Variants in HECW2 observed in about 807,000 individuals in gnomAD.
HECW2 encodes the protein HECT, C2 and WW domain containing E3 ubiquitin protein ligase 2.
Under a neutral mutation model 175.2 loss-of-function variants are expected in HECW2, and 61 were observed. That is an observed-to-expected ratio of 0.35 (90% CI 0.28 to 0.43). HECW2 has a LOEUF of 0.43. Among genes scored for constraint, HECW2 ranks in the 20% least tolerant of loss-of-function variants. The pLI is 1.00. For missense variants in HECW2, 1,524 were observed against 2,000.5 expected, an observed-to-expected ratio of 0.76 and a Z score of 4.54; for synonymous variants, 671 against 731.0, an observed-to-expected ratio of 0.92 and a Z score of 1.32.
intron 2 of HECW2, among the ~76,000 whole-genome samples, chr2:196,395,320 C>T (rs941672137): frequency 6.6e-6 from 1 of 151,862 alleles, no homozygotes; most frequent in Non-Finnish European, 1.5e-5. Flanking sequence ...TTGAATATGA[C>T]ACCAAAAACA....
chr2:196,208,819 C>A (rs1012287787), intron 28 of HECW2, among the ~76,000 whole-genome samples: 2 of 152,072 alleles, frequency 1.3e-5, no homozygotes, highest in African/African-American at 4.8e-5. Flanking sequence ...AGGAGGCAGA[C>A]CAGGGCCCCA....
chr2:196,434,671 A>C (rs1695818496), intron 1 of HECW2, among the ~76,000 whole-genome samples: 1 of 152,214 alleles, frequency 6.6e-6, no homozygotes, highest in Non-Finnish European at 1.5e-5. Flanking sequence ...TCAGAACTAC[A>C]TAATCCACTC....
At chr2:196,374,246 G>A (rs72925487) in intron 2 of HECW2, among the ~76,000 whole-genome samples, 7,856 of 152,066 alleles carry the variant, frequency 0.052, 290 homozygotes, top group Non-Finnish European at 0.059. Flanking sequence ...CATGGAAAAC[G>A]TTCATGAGAT....
chr2:196,478,078 AAAACAAAAAC>A (rs1164727148), intron 1 of HECW2, among the ~76,000 whole-genome samples: 2 of 152,224 alleles, frequency 1.3e-5, no homozygotes, highest in Non-Finnish European at 2.9e-5. Flanking sequence ...TCCAAAAAAC[AAAACAAAAAC>A]AAACAAAAAA....
intron 19 of HECW2, among the ~76,000 whole-genome samples, chr2:196,251,036 C>T (rs1355691185): frequency 1.3e-5 from 2 of 152,100 alleles, no homozygotes; most frequent in Non-Finnish European, 2.9e-5. Context: ...TCTCATCCTT[C>T]TTGATGCCCT....
At chr2:196,517,891 G>A (rs983471787) in intron 1 of HECW2, among the ~76,000 whole-genome samples, 5 of 152,158 alleles carry the variant, frequency 3.3e-5, no homozygotes, top group African/African-American at 1.2e-4. Flanking sequence ...AAAAAGGCTT[G>A]GGGTTCATAA....
intron 1 of HECW2, among the ~76,000 whole-genome samples, chr2:196,473,806 G>A (rs893431915): frequency 1.3e-5 from 2 of 152,162 alleles, no homozygotes; most frequent in Non-Finnish European, 2.9e-5. Flanking sequence ...ACACAATCTA[G>A]GAAACTGAAT....
At chr2:196,388,733 TGGAAACCTAGAAAA>T (rs1193306431) in intron 2 of HECW2, among the ~76,000 whole-genome samples, 1 of 152,212 alleles carries the variant, frequency 6.6e-6, no homozygotes. Flanking sequence ...TCTATAAGAA[TGGAAACCTAGAAAA>T]ACAAGATAAG....
intron 2 of HECW2, among the ~76,000 whole-genome samples, chr2:196,406,295 A>G (rs1231148954): frequency 1.3e-5 from 2 of 152,198 alleles, no homozygotes; most frequent in Non-Finnish European, 2.9e-5. Flanking sequence ...TTCCTTCAGT[A>G]AATTGTCCTA....
At chr2:196,513,568 A>G (rs1688035719) in intron 1 of HECW2, among the ~76,000 whole-genome samples, 1 of 152,214 alleles carries the variant, frequency 6.6e-6, no homozygotes, top group Non-Finnish European at 1.5e-5. Flanking sequence ...CTCAACCCCT[A>G]TTCTCAAAGG....
At chr2:196,282,882 G>T (rs1690239103) in intron 14 of HECW2, among the ~76,000 whole-genome samples, 1 of 152,066 alleles carries the variant, frequency 6.6e-6, no homozygotes, top group Non-Finnish European at 1.5e-5. Flanking sequence ...GAATGTCCTT[G>T]GCTGAGAGGA....
chr2:196,262,135 C>G (rs973864675), intron 17 of HECW2, among the ~76,000 whole-genome samples: 1 of 152,208 alleles, frequency 6.6e-6, no homozygotes, highest in African/African-American at 2.4e-5. Context: ...AGGTGATCCT[C>G]TTGCCTCAGT....
intron 2 of HECW2, among the ~76,000 whole-genome samples, chr2:196,346,869 G>A (rs910721158): frequency 4.6e-5 from 7 of 151,236 alleles, no homozygotes; most frequent in African/African-American, 9.7e-5. Context: ...TTAGCTGGGC[G>A]TGGTGACAGG....
Position 196,317,101 on chromosome 2 carries a change from AAG to A in HECW2, c.2434+171_2434+172del, listed in dbSNP as rs568981464. 1.4e-4 allele frequency: 76 copies of A among 554,796 alleles called. 1 individual carries two copies. In the South Asian group the frequency reaches 1.8e-3, roughly 13 times the overall value. The allele number at this position is 554,796 out of a possible 1,614,324, so 34.4% of individuals were successfully genotyped here. ...TTCTTTCAGCATAATGGTGCCAGAG[AAG>A]AGTCATTGGCCTAGCACGTCCCGGA... is the stretch of plus-strand genomic sequence containing the variant. On this transcript the variant is annotated intron_variant, in intron 10 of 28. Coordinates refer to ENST00000644978, the MANE Select transcript of HECW2 (RefSeq NM_001348768.2).
Position 196,435,849 on chromosome 2 carries a change from T to C in HECW2, c.-35-2391A>G, listed in dbSNP as rs575288622. On this transcript the variant is annotated intron_variant, in intron 1 of 28. Coordinates refer to ENST00000644978, the MANE Select transcript of HECW2 (RefSeq NM_001348768.2). Reference sequence around the variant, plus strand: ...TAAATAAATCAGTACAGATAAAACATTTCAAACAGTGTCTGGCATATAGTA... The same window carrying C: ...TAAATAAATCAGTACAGATAAAACACTTCAAACAGTGTCTGGCATATAGTA... Among the ~76,000 whole-genome samples the C allele has an allele frequency of 5.9e-5, 9 of 152,336 alleles. No individual in the cohort carries two copies. The South Asian group carries it at 1.9e-3, about 32-fold the overall frequency.
rs1688510752 is a variant in HECW2, at chr2:196,523,688, G to A, written c.-36+69820C>T. 2.0e-5 allele frequency among the ~76,000 whole-genome samples: 3 copies of A among 151,336 alleles called. No homozygotes were observed. The South Asian group carries it at 6.3e-4, about 32-fold the overall frequency. Reference sequence around the variant, plus strand: ...TTATTGAGAGTTTTTAGCATGAAGGGTTGTTGAATTTTGTCAAAGGCTTTT... The same window carrying A: ...TTATTGAGAGTTTTTAGCATGAAGGATTGTTGAATTTTGTCAAAGGCTTTT... On this transcript the variant is annotated intron_variant, in intron 1 of 28. Coordinates refer to ENST00000644978, the MANE Select transcript of HECW2 (RefSeq NM_001348768.2).
intron 19 of HECW2, among the ~76,000 whole-genome samples, chr2:196,248,597 G>GACACACACACACACAC (rs35800907): frequency 2.0e-4 from 29 of 144,030 alleles, no homozygotes; most frequent in East Asian, 6.2e-4. Context: ...GAGACAGACA[G>GACACACACACACACAC]ACACACACAC....
At chr2:196,387,064 T>A (rs1234121602) in intron 2 of HECW2, among the ~76,000 whole-genome samples, 1 of 152,184 alleles carries the variant, frequency 6.6e-6, no homozygotes, top group African/African-American at 2.4e-5. Flanking sequence ...GAAAAGTATT[T>A]TGTTTTGGCC....
chr2:196,432,827 G>C (rs1337302000), intron 2 of HECW2, among the ~76,000 whole-genome samples: 1 of 152,200 alleles, frequency 6.6e-6, no homozygotes. Context: ...CTGATCAAGA[G>C]AAAGGTGAAG....
Sources: gnomAD v4.1 joint callset for allele counts (sites outside exome capture counted in the v4.1 genomes callset) on GRCh38, gnomAD v4.1.1 for gene constraint, MANE v1.5 for transcripts, NCBI Gene and HGNC (gene_info 2026-07-23, HGNC 2026-07-21) for gene names.